The following NTM variants were observed in gnomAD, a reference collection of about 807,000 sequenced individuals.
NTM encodes the protein neurotrimin, also known as IgLON family member 2.
In NTM, 13 loss-of-function variants were observed where a neutral mutation model predicts 42.1. The ratio of observed to expected loss-of-function variants is 0.31; its 90% CI spans 0.20 to 0.49. The LOEUF is 0.49. Among genes scored for constraint, NTM ranks in the 20% least tolerant of loss-of-function variants. The pLI, the probability that NTM is intolerant of heterozygous loss-of-function variation, is 0.99. For synonymous variants in NTM, 187 were observed against 179.2 expected (o/e 1.04, Z -0.35); for missense variants, 373 against 452.8 (o/e 0.82, Z 1.60).
At chr11:131,443,260 A>G (rs1362195359) in intron 1 of NTM, among the ~76,000 whole-genome samples, 1 of 152,168 alleles carries the variant, frequency 6.6e-6, no homozygotes, top group Non-Finnish European at 1.5e-5. Context: ...AATATTTAGT[A>G]ACAAAATTCA....
intron 1 of NTM, among the ~76,000 whole-genome samples, chr11:131,782,874 C>G (rs1373934154): frequency 6.6e-6 from 1 of 152,120 alleles, no homozygotes; most frequent in African/African-American, 2.4e-5. Flanking sequence ...TAGCTATTAT[C>G]ATACTTCGTA....
intron 1 of NTM, among the ~76,000 whole-genome samples, chr11:131,670,573 C>G (rs1167128214): frequency 6.6e-6 from 1 of 152,166 alleles, no homozygotes; most frequent in African/African-American, 2.4e-5. Context: ...CAGTCTCTAC[C>G]TGGAATGGAG....
At chr11:132,016,163 G>T (rs988553492) in intron 2 of NTM, among the ~76,000 whole-genome samples, 1 of 151,500 alleles carries the variant, frequency 6.6e-6, no homozygotes, top group Admixed American at 6.6e-5. Flanking sequence ...TTATTGAAAT[G>T]ATCATATGGT....
chr11:132,065,038 G>T (rs1326479447), intron 2 of NTM, among the ~76,000 whole-genome samples: 1 of 152,168 alleles, frequency 6.6e-6, no homozygotes, highest in African/African-American at 2.4e-5. Context: ...AAGAGGTTAG[G>T]GGAATGGCAC....
chr11:131,496,153 A>C (rs995289248), intron 1 of NTM, among the ~76,000 whole-genome samples: 6 of 152,206 alleles, frequency 3.9e-5, no homozygotes, highest in African/African-American at 1.4e-4. Flanking sequence ...TTCTGGGTGC[A>C]GTTCCCACAG....
At chr11:132,260,807 C>G (rs1353510513) in intron 4 of NTM, among the ~76,000 whole-genome samples, 4 of 152,218 alleles carry the variant, frequency 2.6e-5, no homozygotes, top group Non-Finnish European at 5.9e-5. Context: ...CAGTAGAACA[C>G]CACGGAACCT....
chr11:131,495,768 C>A (rs1955277844), intron 1 of NTM, among the ~76,000 whole-genome samples: 1 of 152,216 alleles, frequency 6.6e-6, no homozygotes. Context: ...CCTTGAGGCT[C>A]AGCAGAAGGC....
intron 2 of NTM, among the ~76,000 whole-genome samples, chr11:132,088,877 T>G (rs1242895268): frequency 6.6e-6 from 1 of 151,168 alleles, no homozygotes; most frequent in Admixed American, 6.6e-5. Context: ...TTTTTTGCAT[T>G]ATTAACTGAA....
intron 2 of NTM, among the ~76,000 whole-genome samples, chr11:132,040,926 G>C (rs906934699): frequency 2.0e-5 from 3 of 152,140 alleles, no homozygotes; most frequent in African/African-American, 4.8e-5. Context: ...GTTTAAAAAA[G>C]GGGGTCATAG....
chr11:131,804,474 C>G (rs1261924361), intron 1 of NTM, among the ~76,000 whole-genome samples: 3 of 152,160 alleles, frequency 2.0e-5, no homozygotes, highest in African/African-American at 4.8e-5. Flanking sequence ...GAGTAGTTTC[C>G]TGAACATCCA....
intron 1 of NTM, among the ~76,000 whole-genome samples, chr11:131,808,068 C>T (rs2092586829): frequency 6.6e-6 from 1 of 152,226 alleles, no homozygotes; most frequent in African/African-American, 2.4e-5. Flanking sequence ...AAGCCTGGGG[C>T]TCTGTCTTGG....
intron 2 of NTM, among the ~76,000 whole-genome samples, chr11:132,104,951 A>G (rs1437180918): frequency 0.09 from 6,175 of 68,388 alleles, 844 homozygotes; most frequent in African/African-American, 0.12. Context: ...ATATATATAT[A>G]TATATATATA....
chr11:132,329,978 G>T (rs1321887998), intron 7 of NTM, 175 bp from the exon 8 acceptor site: 1 of 577,374 alleles, frequency 1.7e-6, no homozygotes, highest in Non-Finnish European at 2.2e-6. Flanking sequence ...GAAAACCAGA[G>T]GGGGGTCACA....
chr11:131,878,437 T>C (rs1161821052), intron 1 of NTM, among the ~76,000 whole-genome samples: 1 of 150,746 alleles, frequency 6.6e-6, no homozygotes, highest in African/African-American at 2.4e-5. Context: ...TTGCTAGGCA[T>C]GGTGGCGCAT....
intron 2 of NTM, among the ~76,000 whole-genome samples, chr11:132,144,978 G>A (rs1010394685): frequency 6.6e-6 from 1 of 152,162 alleles, no homozygotes; most frequent in African/African-American, 2.4e-5. Flanking sequence ...TGTCTCATGG[G>A]GACAGGGGGT....
chr11:131,806,382 T>C (rs1175955773), intron 1 of NTM, among the ~76,000 whole-genome samples: 1 of 152,178 alleles, frequency 6.6e-6, no homozygotes, highest in East Asian at 1.9e-4. Flanking sequence ...CCACTTAGAT[T>C]GCAATGTTGA....
chr11:132,168,122 A>G (rs2075565653), intron 3 of NTM, among the ~76,000 whole-genome samples: 2 of 152,204 alleles, frequency 1.3e-5, no homozygotes, highest in Non-Finnish European at 2.9e-5. Context: ...GGCAATTGGC[A>G]TTCCTACTAA....
chr11:132,190,710 C>G (rs1445800828), intron 3 of NTM, among the ~76,000 whole-genome samples: 1 of 148,180 alleles, frequency 6.7e-6, no homozygotes, highest in East Asian at 2.0e-4. Flanking sequence ...TTACTCCAGC[C>G]TGGGTGACAG....
At chr11:131,444,074 C>G (rs1362920409) in intron 1 of NTM, among the ~76,000 whole-genome samples, 1 of 151,752 alleles carries the variant, frequency 6.6e-6, no homozygotes, top group Non-Finnish European at 1.5e-5. Context: ...TGATCCGTTA[C>G]AAAGTAATAG....
Sources: allele counts gnomAD v4.1 joint callset (sites outside exome capture counted in the v4.1 genomes callset), GRCh38; gene constraint gnomAD v4.1.1; transcripts MANE v1.5; gene names NCBI Gene and HGNC (gene_info 2026-07-23, HGNC 2026-07-21).